The following CRISP2 variants were observed in gnomAD, a reference collection of about 807,000 sequenced individuals.
The protein encoded by CRISP2 is cysteine-rich secretory protein 2.
CRISP2 carries 29 observed loss-of-function variants against 31.7 expected under a neutral mutation model. That is an observed-to-expected ratio of 0.92 (90% CI 0.68 to 1.25). The LOEUF (loss-of-function observed/expected upper bound fraction) is 1.25, where lower values mean the gene tolerates loss of function less well. Ranked by LOEUF, CRISP2 falls within the 50% of genes most tolerant of loss-of-function variation. CRISP2 has a pLI of 0.00. For missense variants in CRISP2, 318 were observed against 286.5 expected (o/e 1.11, Z -0.79); for synonymous variants, 111 against 101.4 (o/e 1.09, Z -0.57).
chr6:49,710,341 A>C (rs1475593572), intron 3 of CRISP2, among the ~76,000 whole-genome samples: 1 of 152,216 alleles, frequency 6.6e-6, no homozygotes, highest in Non-Finnish European at 1.5e-5. Context: ...ATTGAGGCTT[A>C]AGACAGTTAA....
At chr6:49,698,957 C>CTTA (rs1469831154) in intron 6 of CRISP2, among the ~76,000 whole-genome samples, 3 of 152,002 alleles carry the variant, frequency 2.0e-5, no homozygotes, top group Non-Finnish European at 4.4e-5. Flanking sequence ...TATAGGCTGT[C>CTTA]TTTAAGAGTC....
chr6:49,686,725 A>G, the CRISP2 span, among the ~76,000 whole-genome samples: 1 of 152,214 alleles, frequency 6.6e-6, no homozygotes, highest in Non-Finnish European at 1.5e-5. Flanking sequence ...AGGATTATAA[A>G]TCATGCTACT....
chr6:49,699,282 T>A (rs1187980176), intron 6 of CRISP2, among the ~76,000 whole-genome samples: 1 of 152,000 alleles, frequency 6.6e-6, no homozygotes, highest in East Asian at 1.9e-4. Flanking sequence ...AAATTTTGAA[T>A]ACGATAAATT....
intron 4 of CRISP2, among the ~76,000 whole-genome samples, chr6:49,707,421 A>C (rs1288624458): frequency 6.6e-6 from 1 of 152,140 alleles, no homozygotes; most frequent in Non-Finnish European, 1.5e-5. Flanking sequence ...CATACTGGGC[A>C]GAGTGTTTAT....
chr6:49,702,292 A>G lies in CRISP2; in HGVS notation c.67-1508T>C, dbSNP rs185964280. Among the ~76,000 whole-genome samples, 39 of 149,534 alleles carry G rather than the reference A, an allele frequency of 2.6e-4. 1 individual carries two copies. The highest frequency in any genetic ancestry group is 1.4e-3 in the Admixed American group (21 of 14,788). On this transcript the variant is annotated intron_variant, in intron 4 of 9. Coordinates refer to ENST00000339139, the MANE Select transcript of CRISP2 (RefSeq NM_003296.4). Reference sequence around the variant, plus strand: ...ATGCGTGTGCAAGTGTCTTTTTTTCATATAATGACTTCTTTTCCTCTGAGT... The same window carrying G: ...ATGCGTGTGCAAGTGTCTTTTTTTCGTATAATGACTTCTTTTCCTCTGAGT...
intron 4 of CRISP2, among the ~76,000 whole-genome samples, chr6:49,701,847 TTATATAA>T (rs1380991040): frequency 1.1e-5 from 1 of 87,400 alleles, no homozygotes; most frequent in Non-Finnish European, 2.2e-5. Flanking sequence ...ATAATATATA[TTATATAA>T]TATATATTAT....
intron 4 of CRISP2, among the ~76,000 whole-genome samples, chr6:49,706,923 G>A (rs886371607): frequency 2.0e-5 from 3 of 152,112 alleles, no homozygotes; most frequent in Non-Finnish European, 4.4e-5. Context: ...TAGAAAGGAT[G>A]TGCATATAAA....
the CRISP2 span, among the ~76,000 whole-genome samples, chr6:49,682,241 C>T: frequency 6.6e-6 from 1 of 152,076 alleles, no homozygotes; most frequent in Non-Finnish European, 1.5e-5. Context: ...CCAGGAATCT[C>T]AGGTGGTATT....
the CRISP2 span, among the ~76,000 whole-genome samples, chr6:49,685,756 T>C: frequency 1.3e-5 from 2 of 152,186 alleles, no homozygotes; most frequent in Non-Finnish European, 2.9e-5. Context: ...GGCTGTTTTT[T>C]CCCCCACTTT....
chr6:49,687,051 G>T, the CRISP2 span, among the ~76,000 whole-genome samples: 3 of 152,038 alleles, frequency 2.0e-5, no homozygotes, highest in African/African-American at 4.8e-5. Context: ...AGGGATGGTT[G>T]TGGGATGGGG....
In CRISP2 at chr6:49,699,818, T is replaced by C. The variant is rs1182943711; in HGVS notation, c.257A>G (p.Glu86Gly). ...AATTTACATACTGGTTTTGCGGTCC[T>C]CTGGATCACTATGTTGTAAAGTGCA... ...NKCTLQHSDP[E>G]DRKTSTRCGE... The change falls in exon 6 of 10, where the codon GAG (glutamate) becomes GGG (glycine). Residue 86 changes from glutamate to glycine, a missense_variant. Coordinates refer to ENST00000339139, the MANE Select transcript of CRISP2 (RefSeq NM_003296.4). 2 of 1,611,280 alleles carry C rather than the reference T, an allele frequency of 1.2e-6. No individual in the cohort carries two copies. Among genetic ancestry groups the C allele is most frequent in the Admixed American group, 1.7e-5 (1 of 59,844 alleles).
chr6:49,692,995 C>A (rs1024778658), intron 9 of CRISP2, 95 bp from the exon 10 acceptor site: 2 of 1,331,396 alleles, frequency 1.5e-6, no homozygotes, highest in African/African-American at 1.4e-5. Flanking sequence ...TAGGAGGGAA[C>A]AAACAAGTTA....
At chr6:49,702,139 C>A (rs1766113129) in intron 4 of CRISP2, among the ~76,000 whole-genome samples, 2 of 91,512 alleles carry the variant, frequency 2.2e-5, no homozygotes, top group African/African-American at 4.1e-5. Context: ...TATATGTGTA[C>A]TATATATATA....
downstream of CRISP2, among the ~76,000 whole-genome samples, chr6:49,690,585 T>A (rs1764018528): frequency 6.6e-6 from 1 of 152,002 alleles, no homozygotes; most frequent in African/African-American, 2.4e-5. Context: ...GAACTTGAGT[T>A]AGCAATGATA....
chr6:49,687,220 A>C, the CRISP2 span, among the ~76,000 whole-genome samples: 15 of 152,218 alleles, frequency 9.9e-5, no homozygotes, highest in Non-Finnish European at 2.1e-4. Context: ...AATTATCAGT[A>C]CTGTCTATAA....
downstream of CRISP2, among the ~76,000 whole-genome samples, chr6:49,687,843 C>A (rs947380852): frequency 1.3e-5 from 2 of 152,216 alleles, no homozygotes; most frequent in Non-Finnish European, 2.9e-5. Flanking sequence ...CACTGTGGTA[C>A]CTCTGCTTTC....
downstream of CRISP2, among the ~76,000 whole-genome samples, chr6:49,689,409 C>A (rs1581998168): frequency 6.6e-6 from 1 of 152,074 alleles, no homozygotes. Flanking sequence ...TATAAAATGG[C>A]ACTGAGTTAT....
rs377112206 is a variant in CRISP2 at position 49,697,811 on chromosome 6, T to C, written c.515+49A>G. 69 of 1,605,370 alleles carry C rather than the reference T, an allele frequency of 4.3e-5. No individual in the cohort carries two copies. In the African/African-American group the frequency reaches 8.3e-4, roughly 19 times the overall value. On this transcript the variant is annotated intron_variant, in intron 8 of 9. Transcript: ENST00000339139. ...TTAAGATATGAGAATTATTAAAAAA[T>C]AAATTGCAGATAGAATTATTGCCAT... is the stretch of plus-strand genomic sequence containing the variant.
intron 1 of CRISP2, 148 bp downstream of exon 1, chr6:49,713,327 T>A (rs992451851): frequency 9.8e-5 from 15 of 152,336 alleles, no homozygotes; most frequent in Admixed American, 9.1e-4. Flanking sequence ...ACTCTCAGTC[T>A]GCCCGGCATT....
Sources: allele counts gnomAD v4.1 joint callset (sites outside exome capture counted in the v4.1 genomes callset), GRCh38; gene constraint gnomAD v4.1.1; transcripts MANE v1.5; gene names NCBI Gene and HGNC (gene_info 2026-07-23, HGNC 2026-07-21).